SCFD2: variants seen among roughly 807,000 people sequenced by gnomAD.
SCFD2 encodes sec1 family domain-containing protein 2.
SCFD2 carries 54 observed loss-of-function variants against 58.9 expected under a neutral mutation model. The ratio of observed to expected loss-of-function variants is 0.92; its 90% confidence interval spans 0.74 to 1.15. The LOEUF (loss-of-function observed/expected upper bound fraction) is 1.15. Ranked by LOEUF, SCFD2 falls within the 50% of genes most tolerant of loss-of-function variation. SCFD2 has a pLI of 0.00. For missense variants in SCFD2, 805 were observed against 836.6 expected (o/e 0.96, Z 0.47); for synonymous variants, 321 against 335.9 (o/e 0.96, Z 0.49).
chr4:52,962,933 T>G (rs1465090510), intron 5 of SCFD2, among the ~76,000 whole-genome samples: 1 of 152,196 alleles, frequency 6.6e-6, no homozygotes, highest in Non-Finnish European at 1.5e-5. Context: ...CAGCTGAAGT[T>G]TTTAGCTTGG....
intron 3 of SCFD2, among the ~76,000 whole-genome samples, chr4:53,304,545 C>T (rs1732451959): frequency 6.6e-6 from 1 of 151,850 alleles, no homozygotes; most frequent in African/African-American, 2.4e-5. Context: ...TTTCTCTAAT[C>T]TTGTCTTCTT....
At chr4:52,966,682 T>C (rs1420516782) in intron 5 of SCFD2, among the ~76,000 whole-genome samples, 1 of 152,234 alleles carries the variant, frequency 6.6e-6, no homozygotes, top group Non-Finnish European at 1.5e-5. Context: ...ATTTCTTATA[T>C]AATTTATTGC....
chr4:53,260,849 T>C (rs1730808204), intron 4 of SCFD2, among the ~76,000 whole-genome samples: 1 of 152,206 alleles, frequency 6.6e-6, no homozygotes, highest in East Asian at 1.9e-4. Context: ...TGAATCCATC[T>C]GGTCCTGGAC....
chr4:52,975,670 TG>T (rs1011787550), intron 5 of SCFD2, among the ~76,000 whole-genome samples: 6 of 152,180 alleles, frequency 3.9e-5, no homozygotes, highest in African/African-American at 1.4e-4. Context: ...ATCCCATTAC[TG>T]GGTATATACC....
In SCFD2 at chr4:52,875,983, T is replaced by A. The variant is rs554323276; in HGVS notation, c.1963-1922A>T. On this transcript the variant is annotated intron_variant, in intron 8 of 8. Transcript: ENST00000401642. ...GGGTGAAGATTGGCCTTCTCTATCA[T>A]CTGCATGCATGATTTAGACACCGTT... 8.6e-5 allele frequency among the ~76,000 whole-genome samples: 13 copies of A among 151,632 alleles called. No homozygotes were observed. The East Asian group carries it at 2.3e-3, about 27-fold the overall frequency.
intron 4 of SCFD2, among the ~76,000 whole-genome samples, chr4:53,197,879 AT>A (rs528313769): frequency 1.1e-3 from 162 of 152,230 alleles, no homozygotes; most frequent in African/African-American, 3.6e-3. Context: ...GGGTAAAAAA[AT>A]ATTTACAAGT....
intron 5 of SCFD2, among the ~76,000 whole-genome samples, chr4:53,004,423 TA>T (rs1341398417): frequency 2.0e-5 from 3 of 152,252 alleles, no homozygotes; most frequent in African/African-American, 7.2e-5. Flanking sequence ...ACTGCCATTG[TA>T]ATCAGAATAA....
At chr4:52,874,911 G>A (rs563037511) in intron 8 of SCFD2, among the ~76,000 whole-genome samples, 3 of 152,298 alleles carry the variant, frequency 2.0e-5, no homozygotes, top group Admixed American at 6.5e-5. Flanking sequence ...AACTCATAAC[G>A]ATGATGGGAA....
rs200313439 is a variant in SCFD2 at position 53,259,311 on chromosome 4, G to A, written c.1311+14515C>T. Reference sequence around the variant, plus strand: ...TCTTTGCCTAAGCCAATATCTAGACGGTTTGTCCGATGTTATCTTCTAGAA... The same window carrying A: ...TCTTTGCCTAAGCCAATATCTAGACAGTTTGTCCGATGTTATCTTCTAGAA... On this transcript the variant is annotated intron_variant, in intron 4 of 8. Coordinates refer to ENST00000401642, the MANE Select transcript of SCFD2 (RefSeq NM_152540.4). Among the ~76,000 whole-genome samples, 29 of 152,214 alleles carry A rather than the reference G, an allele frequency of 1.9e-4. No homozygotes were observed. In the East Asian group the frequency reaches 4.6e-3, roughly 24 times the overall value.
intron 5 of SCFD2, among the ~76,000 whole-genome samples, chr4:52,976,116 A>T (rs1721255497): frequency 6.6e-6 from 1 of 152,096 alleles, no homozygotes; most frequent in South Asian, 2.1e-4. Flanking sequence ...TGGCACGTGT[A>T]TGCATATGTA....
rs1450762378 is a variant in SCFD2 at position 53,354,472 on chromosome 4, G to A, written c.839-1706C>T. On this transcript the variant is annotated intron_variant, in intron 1 of 8. Transcript: ENST00000401642. The stretch of plus-strand genomic sequence containing the variant: ...CCGTGCCTCTTCCTCCACATCTCCC[G>A]GCAAGCCAAGTGAGCTGGCTCCGGC... Among the ~76,000 whole-genome samples the A allele has an allele frequency of 5.9e-5, 9 of 152,320 alleles. No homozygotes were observed. The East Asian group carries it at 1.2e-3, about 20-fold the overall frequency.
At chr4:53,132,932 G>A (rs1014658862) in intron 5 of SCFD2, among the ~76,000 whole-genome samples, 1 of 152,194 alleles carries the variant, frequency 6.6e-6, no homozygotes, top group Non-Finnish European at 1.5e-5. Context: ...CCTGAAATTT[G>A]ATGAATTACT....
intron 5 of SCFD2, among the ~76,000 whole-genome samples, chr4:53,041,258 C>T (rs1323428124): frequency 4.6e-5 from 7 of 152,160 alleles, no homozygotes. Flanking sequence ...GTGCCTCCTA[C>T]AGTGTTATGG....
Position 53,207,486 on chromosome 4 carries a change from A to ATCAGGAAAAAATCAC in SCFD2, c.1312-61905_1312-61904insGTGATTTTTTCCTGA, listed in dbSNP as rs1560385070. ...CTGAGTAGTTTGAAATATATTATAT[A>ATCAGGAAAAAATCAC]TATATTTCATATATATATATTATAT... On this transcript the variant is annotated intron_variant, in intron 4 of 8. Coordinates refer to ENST00000401642, the MANE Select transcript of SCFD2 (RefSeq NM_152540.4). Among the ~76,000 whole-genome samples, 167 of 40,400 alleles carry ATCAGGAAAAAATCAC rather than the reference A, an allele frequency of 4.1e-3. 40 individuals carry two copies. Among genetic ancestry groups the ATCAGGAAAAAATCAC allele is most frequent in the African/African-American group, 0.013 (105 of 8,104 alleles). The allele number at this position is 40,400 out of a possible 152,430, so 26.5% of individuals were successfully genotyped here. A position where few individuals can be genotyped will look rare whatever the true frequency, so the allele number is the denominator to read the frequency against.
chr4:53,271,478 T>TATTTATTTA (rs1553894794), intron 4 of SCFD2, among the ~76,000 whole-genome samples: 2 of 151,700 alleles, frequency 1.3e-5, no homozygotes, highest in African/African-American at 2.4e-5. Flanking sequence ...TTTATTTATT[T>TATTTATTTA]TTGAGATGGA....
chr4:53,104,479 G>C (rs1484830118), intron 5 of SCFD2, among the ~76,000 whole-genome samples: 2 of 152,202 alleles, frequency 1.3e-5, no homozygotes, highest in Non-Finnish European at 2.9e-5. Flanking sequence ...ATGAGTAAAT[G>C]TAATATGGCA....
intron 4 of SCFD2, among the ~76,000 whole-genome samples, chr4:53,271,787 T>C (rs909756191): frequency 2.0e-5 from 3 of 152,004 alleles, no homozygotes; most frequent in Non-Finnish European, 4.4e-5. Context: ...ATCTTAAAAA[T>C]AGAAACTTGA....
In SCFD2 at chr4:52,885,911, C is replaced by T. The variant is rs149605395; in HGVS notation, c.1843-45G>A. 7.2e-4 allele frequency: 1,167 copies of T among 1,610,564 alleles called. 14 individuals are homozygous for T. The African/African-American group carries it at 0.014, about 19-fold the overall frequency. On this transcript the variant is annotated intron_variant, in intron 7 of 8. Coordinates refer to ENST00000401642, the MANE Select transcript of SCFD2 (RefSeq NM_152540.4). ...CAATATCAGATGGATGGCAGTGATGCAGGCACAATGCAGCTGGGTACCATC... is the reference window on the plus strand; with the variant it reads ...CAATATCAGATGGATGGCAGTGATGTAGGCACAATGCAGCTGGGTACCATC...
intron 4 of SCFD2, among the ~76,000 whole-genome samples, chr4:53,237,986 G>A (rs1211669179): frequency 1.7e-4 from 23 of 131,532 alleles, no homozygotes; most frequent in African/African-American, 3.1e-4. Context: ...CGGACGGGGC[G>A]GCTGGCCGGG....
Sources: gnomAD v4.1 joint callset for allele counts (sites outside exome capture counted in the v4.1 genomes callset) on GRCh38, gnomAD v4.1.1 for gene constraint, MANE v1.5 for transcripts, NCBI Gene and HGNC (gene_info 2026-07-23, HGNC 2026-07-21) for gene names.